RBFOX1: variants seen among roughly 807,000 people sequenced by gnomAD.
RBFOX1 encodes RNA binding protein fox-1 homolog 1.
A neutral mutation model predicts 57.7 loss-of-function variants in RBFOX1; 8 were observed. That is an observed-to-expected ratio of 0.14 (90% CI 0.08 to 0.25). RBFOX1 has a LOEUF of 0.25. RBFOX1 is among the 10% of genes least tolerant of loss of function. RBFOX1 has a pLI of 1.00. For missense variants in RBFOX1, 611 were observed against 548.5 expected (o/e 1.11, Z -1.14); for synonymous variants, 326 against 222.4 (o/e 1.47, Z -4.15).
chr16:7,638,713 A>G (rs1429375119), intron 11 of RBFOX1, among the ~76,000 whole-genome samples: 4 of 152,186 alleles, frequency 2.6e-5, no homozygotes, highest in Admixed American at 6.5e-5. Context: ...GTAGCCATAG[A>G]CTACTGTACA....
At chr16:7,552,934 C>A (rs1330401598) in intron 5 of RBFOX1, among the ~76,000 whole-genome samples, 1 of 152,018 alleles carries the variant, frequency 6.6e-6, no homozygotes, top group Admixed American at 6.5e-5. Flanking sequence ...CTGCCCGCCT[C>A]GGACTCCCAA....
intron 3 of RBFOX1, among the ~76,000 whole-genome samples, chr16:6,942,537 A>G (rs1266689451): frequency 2.0e-5 from 3 of 152,200 alleles, no homozygotes; most frequent in East Asian, 1.9e-4. Context: ...CAGTTAGAGC[A>G]TTTTCCTGTG....
chr16:6,105,353 G>A (rs1160738963), intron 1 of RBFOX1, among the ~76,000 whole-genome samples: 1 of 151,990 alleles, frequency 6.6e-6, no homozygotes, highest in Non-Finnish European at 1.5e-5. Flanking sequence ...CATATACCGT[G>A]ACTCAAACTG....
chr16:7,331,211 T>C (rs1444242209), intron 4 of RBFOX1, among the ~76,000 whole-genome samples: 1 of 152,202 alleles, frequency 6.6e-6, no homozygotes, highest in East Asian at 1.9e-4. Context: ...AGTGGAGGAA[T>C]TGACATTTGG....
chr16:6,698,734 C>G (rs754445564), intron 3 of RBFOX1, among the ~76,000 whole-genome samples: 1 of 152,120 alleles, frequency 6.6e-6, no homozygotes, highest in Non-Finnish European at 1.5e-5. Flanking sequence ...TTCTCAAATC[C>G]CACATCTTTG....
At chr16:6,447,426 A>G (rs1332577980) in intron 2 of RBFOX1, among the ~76,000 whole-genome samples, 1 of 152,220 alleles carries the variant, frequency 6.6e-6, no homozygotes, top group Non-Finnish European at 1.5e-5. Context: ...ATTATATGTT[A>G]TAAAAATGAG....
intron 1 of RBFOX1, among the ~76,000 whole-genome samples, chr16:6,231,330 T>C (rs543910967): frequency 6.6e-6 from 1 of 152,148 alleles, no homozygotes; most frequent in South Asian, 2.1e-4. Context: ...AGGTTATAAG[T>C]GGAGGTTTCC....
intron 4 of RBFOX1, among the ~76,000 whole-genome samples, chr16:7,209,963 C>T (rs2090793960): frequency 6.6e-6 from 1 of 152,116 alleles, no homozygotes; most frequent in Non-Finnish European, 1.5e-5. Flanking sequence ...CTTTTAAGCC[C>T]CATTGATTCA....
intron 1 of RBFOX1, among the ~76,000 whole-genome samples, chr16:5,388,412 G>T (rs901122534): frequency 2.6e-5 from 4 of 152,152 alleles, no homozygotes; most frequent in African/African-American, 9.7e-5. Context: ...AATAGGCACA[G>T]TCAAGGATGC....
intron 12 of RBFOX1, among the ~76,000 whole-genome samples, chr16:7,660,562 G>C (rs560670571): frequency 1.3e-5 from 2 of 152,144 alleles, no homozygotes; most frequent in South Asian, 2.1e-4. Flanking sequence ...GAACTTTCCC[G>C]TAACCAGCTC....
At chr16:7,187,824 C>T (rs1270218626) in intron 4 of RBFOX1, among the ~76,000 whole-genome samples, 1 of 144,558 alleles carries the variant, frequency 6.9e-6, no homozygotes, top group Non-Finnish European at 1.5e-5. Context: ...AAATTAGAAA[C>T]AACCTAAATT....
At chr16:7,124,438 G>C (rs145240923) in intron 4 of RBFOX1, among the ~76,000 whole-genome samples, 1 of 151,936 alleles carries the variant, frequency 6.6e-6, no homozygotes, top group African/African-American at 2.4e-5. Context: ...AGCTGATACA[G>C]TATCTGTAAT....
chr16:5,945,021 C>T (rs1185725672), intron 4 of RBFOX1, among the ~76,000 whole-genome samples: 1 of 133,426 alleles, frequency 7.5e-6, no homozygotes, highest in Non-Finnish European at 1.6e-5. Context: ...GAGAGAAAAC[C>T]ATTCTCACCT....
chr16:6,129,653 A>T (rs915834785), intron 1 of RBFOX1, among the ~76,000 whole-genome samples: 6 of 149,774 alleles, frequency 4.0e-5, no homozygotes, highest in African/African-American at 1.5e-4. Flanking sequence ...AAAAACATCC[A>T]TTTACAGGTC....
At chr16:6,914,295 C>G (rs12448040) in intron 3 of RBFOX1, among the ~76,000 whole-genome samples, 45 of 151,892 alleles carry the variant, frequency 3.0e-4, no homozygotes, top group African/African-American at 1.1e-3. Context: ...TTATAATTTC[C>G]GGGCTAGGAG....
intron 2 of RBFOX1, among the ~76,000 whole-genome samples, chr16:6,336,677 A>C (rs552745159): frequency 6.6e-6 from 1 of 152,100 alleles, no homozygotes; most frequent in African/African-American, 2.4e-5. Context: ...GAAAGCCATA[A>C]GATTCTGTAA....
At chr16:5,600,463 G>A (rs916040374), downstream of RBFOX1, among the ~76,000 whole-genome samples, 1 of 140,062 alleles carries the variant, frequency 7.1e-6, no homozygotes, top group African/African-American at 2.8e-5. Context: ...TCCAGCCTGG[G>A]CAAACAGAGT....
intron 2 of RBFOX1, among the ~76,000 whole-genome samples, chr16:5,592,527 C>T (rs530301202): frequency 2.6e-5 from 4 of 152,070 alleles, no homozygotes; most frequent in African/African-American, 7.2e-5. Context: ...AGCGATTCTC[C>T]TGCCTCAGCC....
chr16:6,752,639 C>T (rs562516475), intron 3 of RBFOX1, among the ~76,000 whole-genome samples: 1 of 152,302 alleles, frequency 6.6e-6, no homozygotes, highest in African/African-American at 2.4e-5. Flanking sequence ...TTCTTCCATT[C>T]CCCTGCTCTG....
Sources: allele counts gnomAD v4.1 joint callset (sites outside exome capture counted in the v4.1 genomes callset), GRCh38; gene constraint gnomAD v4.1.1; transcripts MANE v1.5; gene names NCBI Gene and HGNC (gene_info 2026-07-23, HGNC 2026-07-21).